Variants in HPSE2 observed in about 807,000 individuals in gnomAD.
The protein encoded by HPSE2 is heparanase 2 (inactive), also known as inactive heparanase-2.
Under a neutral mutation model 60.5 loss-of-function variants are expected in HPSE2, and 38 were observed. The observed-to-expected ratio is 0.63, with a 90% CI of 0.48 to 0.82. The LOEUF (loss-of-function observed/expected upper bound fraction) is 0.82. Among genes scored for constraint, HPSE2 ranks in the 40% least tolerant of loss-of-function variants. HPSE2 has a pLI of 0.00. For synonymous variants in HPSE2, 295 were observed against 293.2 expected (o/e 1.01, Z -0.06); for missense variants, 713 against 740.4 (o/e 0.96, Z 0.43).
chr10:98,475,818 A>G (rs182040013), intron 11 of HPSE2, among the ~76,000 whole-genome samples: 2 of 152,338 alleles, frequency 1.3e-5, no homozygotes. Flanking sequence ...AGACAGTCTT[A>G]GAAGTAGCTC....
chr10:99,305,959 A>ACATACGCGCGCGCG, the HPSE2 span, among the ~76,000 whole-genome samples: 1 of 29,678 alleles, frequency 3.4e-5, no homozygotes, highest in African/African-American at 1.4e-4. Context: ...AAACTCACAC[A>ACATACGCGCGCGCG]CACGCGCGCG....
chr10:99,132,362 A>G (rs1845476664), intron 3 of HPSE2, among the ~76,000 whole-genome samples: 1 of 152,162 alleles, frequency 6.6e-6, no homozygotes, highest in Admixed American at 6.5e-5. Flanking sequence ...AATAAAATGT[A>G]AAAAATGAAC....
intron 6 of HPSE2, among the ~76,000 whole-genome samples, chr10:98,680,368 G>T (rs1365017993): frequency 6.6e-6 from 1 of 152,056 alleles, no homozygotes; most frequent in Non-Finnish European, 1.5e-5. Context: ...TGAATGCTTG[G>T]AAATAAATAC....
chr10:98,872,789 T>C lies in HPSE2; in HGVS notation c.611-128733A>G, dbSNP rs79049578. On this transcript the variant is annotated intron_variant, in intron 3 of 11. Transcript: ENST00000370552. Reference sequence around the variant, plus strand: ...GTTCTAGATATTATTTCTTATCAATTCGGAGTACGAAGCTGTCATGTTCAT... The same window carrying C: ...GTTCTAGATATTATTTCTTATCAATCCGGAGTACGAAGCTGTCATGTTCAT... 7.4e-3 allele frequency among the ~76,000 whole-genome samples: 1,123 copies of C among 152,238 alleles called. 46 individuals carry two copies. The highest frequency in any genetic ancestry group is 0.047 in the Admixed American group (721 of 15,268).
At chr10:98,635,956 T>C (rs621286) in intron 7 of HPSE2, among the ~76,000 whole-genome samples, 47,204 of 151,946 alleles carry the variant, frequency 0.31, 8,378 homozygotes, top group East Asian at 0.51. Context: ...TATGTTCTTG[T>C]TCATATGTGG....
chr10:98,958,435 AC>A (rs2135221597), intron 3 of HPSE2, among the ~76,000 whole-genome samples: 1 of 152,246 alleles, frequency 6.6e-6, no homozygotes, highest in Admixed American at 6.6e-5. Context: ...GAAAAGTTGA[AC>A]TTTGATTAAA....
chr10:98,863,379 G>A (rs1247744594), intron 3 of HPSE2, among the ~76,000 whole-genome samples: 1 of 152,116 alleles, frequency 6.6e-6, no homozygotes, highest in Non-Finnish European at 1.5e-5. Context: ...CTGTGTGTCT[G>A]TGTCTGTGTG....
chr10:98,840,120 T>C (rs1250205507), intron 3 of HPSE2, among the ~76,000 whole-genome samples: 1 of 152,242 alleles, frequency 6.6e-6, no homozygotes, highest in Non-Finnish European at 1.5e-5. Flanking sequence ...ATGTCCATTG[T>C]TCATTTCAGT....
In HPSE2 at chr10:98,938,987, G is replaced by C. The variant is rs1173266797; in HGVS notation, c.611-194931C>G. Among the ~76,000 whole-genome samples, 3 of 143,894 alleles carry C rather than the reference G, an allele frequency of 2.1e-5. 1 individual carries two copies. Among genetic ancestry groups the C allele is most frequent in the East Asian group, 2.0e-4 (1 of 5,080 alleles). The allele number at this position is 143,894 out of a possible 152,430, so 94.4% of individuals were successfully genotyped here. ...AGAATTTCATATCCAGCCAAACTAA[G>C]CTTCATAAGTGAAGGAGAAATAAAA... On this transcript the variant is annotated intron_variant, in intron 3 of 11. Coordinates refer to ENST00000370552, the MANE Select transcript of HPSE2 (RefSeq NM_021828.5).
intron 3 of HPSE2, among the ~76,000 whole-genome samples, chr10:99,075,720 T>C (rs1842932264): frequency 6.6e-6 from 1 of 152,164 alleles, no homozygotes; most frequent in African/African-American, 2.4e-5. Flanking sequence ...GTTGGGTGCA[T>C]ATATATTTAT....
intron 3 of HPSE2, among the ~76,000 whole-genome samples, chr10:99,122,531 T>C (rs1164023939): frequency 4.0e-5 from 6 of 151,886 alleles, no homozygotes; most frequent in African/African-American, 1.4e-4. Flanking sequence ...ATTTTCTCTT[T>C]ACACCAGAAA....
At chr10:98,806,225 T>C (rs1951038482) in intron 3 of HPSE2, among the ~76,000 whole-genome samples, 2 of 152,204 alleles carry the variant, frequency 1.3e-5, no homozygotes, top group African/African-American at 4.8e-5. Flanking sequence ...ATATGCAGAA[T>C]TTTAGAAATG....
intron 3 of HPSE2, among the ~76,000 whole-genome samples, chr10:98,930,860 G>A (rs1349299778): frequency 1.4e-5 from 2 of 143,930 alleles, no homozygotes; most frequent in Admixed American, 1.4e-4. Context: ...TGTAGATTCT[G>A]GATATTAGCC....
intron 2 of HPSE2, among the ~76,000 whole-genome samples, chr10:99,170,769 T>C (rs1847276187): frequency 2.6e-5 from 4 of 152,232 alleles, no homozygotes; most frequent in Admixed American, 1.3e-4. Flanking sequence ...TTCACAAAAG[T>C]GCTAAATAAA....
At chr10:99,253,738 A>G in the HPSE2 span, among the ~76,000 whole-genome samples, 1 of 152,202 alleles carries the variant, frequency 6.6e-6, no homozygotes, top group African/African-American at 2.4e-5. Context: ...CAGAATCTAT[A>G]AGGAACTTAA....
chr10:99,165,449 T>C (rs1479735010), intron 2 of HPSE2, among the ~76,000 whole-genome samples: 1 of 152,198 alleles, frequency 6.6e-6, no homozygotes, highest in Non-Finnish European at 1.5e-5. Context: ...TGGTTGTTTC[T>C]TAAAATGTGA....
intron 3 of HPSE2, among the ~76,000 whole-genome samples, chr10:98,947,386 G>T (rs1399975031): frequency 1.3e-5 from 2 of 152,166 alleles, no homozygotes; most frequent in African/African-American, 4.8e-5. Flanking sequence ...GGAAGGTGAA[G>T]TATCTAAAGC....
intron 3 of HPSE2, among the ~76,000 whole-genome samples, chr10:98,747,678 G>A (rs192066572): frequency 5.9e-5 from 9 of 152,264 alleles, no homozygotes; most frequent in Middle Eastern, 3.4e-3. Context: ...CCAACCTCCC[G>A]AAAGTGATTT....
chr10:98,538,758 A>T (rs1222213745), intron 9 of HPSE2, among the ~76,000 whole-genome samples: 1 of 152,256 alleles, frequency 6.6e-6, no homozygotes, highest in Non-Finnish European at 1.5e-5. Flanking sequence ...TTGATTTTGC[A>T]TCAGCATTTC....
Sources: allele counts gnomAD v4.1 joint callset (sites outside exome capture counted in the v4.1 genomes callset), GRCh38; gene constraint gnomAD v4.1.1; transcripts MANE v1.5; gene names NCBI Gene and HGNC (gene_info 2026-07-23, HGNC 2026-07-21).